Variants in SPOP observed in about 807,000 individuals in gnomAD.
SPOP encodes speckle type BTB/POZ protein.
In SPOP, 11 loss-of-function variants were observed where a neutral mutation model predicts 45.6. The ratio of observed to expected loss-of-function variants is 0.24; its 90% CI spans 0.15 to 0.40. SPOP has a LOEUF of 0.40. Ranked by LOEUF, SPOP falls within the 10% of genes least tolerant of loss-of-function variation. The pLI, the probability that SPOP is intolerant of heterozygous loss-of-function variation, is 1.00. For missense variants in SPOP, 152 were observed against 465.6 expected (o/e 0.33, Z 6.20); for synonymous variants, 166 against 166.3 (o/e 1.00, Z 0.01).
intron 1 of SPOP, among the ~76,000 whole-genome samples, chr17:49,662,452 C>T (rs1419806011): frequency 6.6e-6 from 1 of 152,116 alleles, no homozygotes; most frequent in Non-Finnish European, 1.5e-5. Flanking sequence ...GAGGCCCAGG[C>T]GGGCAGATCA....
intron 1 of SPOP, among the ~76,000 whole-genome samples, chr17:49,624,709 A>G (rs2143318427): frequency 1.3e-5 from 2 of 152,124 alleles, no homozygotes; most frequent in South Asian, 4.2e-4. Flanking sequence ...CCTGGACTCA[A>G]GCAGTATGCC....
intron 1 of SPOP, among the ~76,000 whole-genome samples, chr17:49,630,515 C>G (rs932276801): frequency 6.6e-6 from 1 of 152,182 alleles, no homozygotes; most frequent in African/African-American, 2.4e-5. Flanking sequence ...AGACCTCAAT[C>G]AGCAAAGGAA....
At chr17:49,613,249 C>G (rs1445726577) in intron 5 of SPOP, among the ~76,000 whole-genome samples, 1 of 147,038 alleles carries the variant, frequency 6.8e-6, no homozygotes, top group Admixed American at 6.9e-5. Context: ...TGCCTGTTCT[C>G]AGTTATAGCT....
chr17:49,618,975 A>C lies in SPOP; in HGVS notation c.480+6T>G, dbSNP rs1385543615. ...CTGCTAGTCTCAGCAGAATACAAGGACTCACCTCGCAGAAGAGGGTAAGCT... is the reference window on the plus strand; with the variant it reads ...CTGCTAGTCTCAGCAGAATACAAGGCCTCACCTCGCAGAAGAGGGTAAGCT... On this transcript the variant is annotated splice_donor_region_variant and intron_variant, in intron 5 of 9. Transcript: ENST00000504102. 6.2e-7 allele frequency: 1 copy of C among 1,611,976 alleles called. No homozygotes were observed. The highest frequency in any genetic ancestry group is 1.7e-5 in the Admixed American group (1 of 59,618).
intron 1 of SPOP, among the ~76,000 whole-genome samples, chr17:49,677,590 G>C (rs565506507): frequency 2.6e-5 from 4 of 152,210 alleles, no homozygotes; most frequent in African/African-American, 7.2e-5. Context: ...CAGCGAAGAA[G>C]CAGCCCGAGC....
chr17:49,657,752 G>A (rs1049069147), intron 1 of SPOP, among the ~76,000 whole-genome samples: 2 of 134,728 alleles, frequency 1.5e-5, no homozygotes, highest in Non-Finnish European at 3.1e-5. Context: ...CCAGGCTAGA[G>A]TGCAGTGGCG....
intron 1 of SPOP, among the ~76,000 whole-genome samples, chr17:49,663,677 C>CT (rs1162830546): frequency 6.6e-6 from 1 of 152,204 alleles, no homozygotes; most frequent in Non-Finnish European, 1.5e-5. Context: ...ACTTGTGACT[C>CT]TGAGTTGTGA....
chr17:49,674,716 A>C (rs538650794), intron 1 of SPOP, among the ~76,000 whole-genome samples: 1 of 152,352 alleles, frequency 6.6e-6, no homozygotes, highest in Non-Finnish European at 1.5e-5. Context: ...GAGATCATAA[A>C]TCATTTACAG....
Position 49,665,649 on chromosome 17 carries a change from G to GACACACACACACACACACACACAC in SPOP, c.-67+12260_-67+12283dup, listed in dbSNP as rs71352530. On this transcript the variant is annotated intron_variant, in intron 1 of 9. Coordinates refer to ENST00000504102, the MANE Select transcript of SPOP (RefSeq NM_001007228.2). ...CAAAAAAAGATTATATATATATACA[G>GACACACACACACACACACACACAC]ACACACACACACACACACACACACA... Among the ~76,000 whole-genome samples, 92 of 126,786 alleles carry GACACACACACACACACACACACAC rather than the reference G, an allele frequency of 7.3e-4. 2 individuals carry two copies. Among genetic ancestry groups the GACACACACACACACACACACACAC allele is most frequent in the Middle Eastern group, 4.3e-3 (1 of 234 alleles). The allele number at this position is 126,786 out of a possible 152,430, so 83.2% of individuals were successfully genotyped here. A position where few individuals can be genotyped will look rare whatever the true frequency, so the allele number is the denominator to read the frequency against.
chr17:49,672,647 T>C (rs2073150410), intron 1 of SPOP, among the ~76,000 whole-genome samples: 1 of 152,140 alleles, frequency 6.6e-6, no homozygotes, highest in African/African-American at 2.4e-5. Flanking sequence ...TCGGGCTCTT[T>C]AAAAACCAGT....
chr17:49,665,915 C>T (rs1265218051), intron 1 of SPOP, among the ~76,000 whole-genome samples: 5 of 147,586 alleles, frequency 3.4e-5, no homozygotes, highest in African/African-American at 7.5e-5. Flanking sequence ...ACCCAGGAGG[C>T]GGAGGTTGCA....
intron 1 of SPOP, among the ~76,000 whole-genome samples, chr17:49,657,095 G>GA (rs1455452225): frequency 6.6e-6 from 1 of 151,876 alleles, no homozygotes; most frequent in Non-Finnish European, 1.5e-5. Flanking sequence ...TGAGGCAGGA[G>GA]AATGTGGTGA....
intron 1 of SPOP, among the ~76,000 whole-genome samples, chr17:49,673,469 G>A (rs1292256166): frequency 6.6e-6 from 1 of 152,028 alleles, no homozygotes; most frequent in Non-Finnish European, 1.5e-5. Context: ...TCGCGCCACT[G>A]CACTCCAGCC....
intron 1 of SPOP, among the ~76,000 whole-genome samples, chr17:49,650,607 A>G (rs1031752195): frequency 9.9e-5 from 15 of 152,168 alleles, no homozygotes; most frequent in Non-Finnish European, 2.1e-4. Flanking sequence ...TAATAAATAA[A>G]TAAGTAGAAA....
Position 49,617,136 on chromosome 17 carries a change from C to A in SPOP, c.480+1845G>T, listed in dbSNP as rs540135658. Among the ~76,000 whole-genome samples the A allele has an allele frequency of 4.6e-5, 7 of 152,276 alleles. No homozygotes were observed. The East Asian group carries it at 9.6e-4, about 21-fold the overall frequency. On this transcript the variant is annotated intron_variant, in intron 5 of 9. Coordinates refer to ENST00000504102, the MANE Select transcript of SPOP (RefSeq NM_001007228.2). ...GAGAAAAGGCTGGACCCACTGTGGA[C>A]TCAAAAAAGCTGCAGTAAAGGTTAT...
At chr17:49,675,029 A>T (rs2073181740) in intron 1 of SPOP, among the ~76,000 whole-genome samples, 2 of 152,220 alleles carry the variant, frequency 1.3e-5, no homozygotes, top group Non-Finnish European at 2.9e-5. Flanking sequence ...TGTTGGTGAG[A>T]AAACAGGCAG....
At chr17:49,616,010 T>G (rs1432879179) in intron 5 of SPOP, among the ~76,000 whole-genome samples, 1 of 152,156 alleles carries the variant, frequency 6.6e-6, no homozygotes. Context: ...AATAACAACT[T>G]GGAAGAACTG....
chr17:49,645,107 G>T (rs183408027), intron 1 of SPOP, among the ~76,000 whole-genome samples: 27 of 152,210 alleles, frequency 1.8e-4, no homozygotes, highest in Admixed American at 1.2e-3. Context: ...ATTTTAAATA[G>T]ATACTAATGC....
At position 49,653,413 on chromosome 17, in the gene SPOP, T is replaced by C. The variant is rs2072867988; in HGVS notation, c.-67+24520A>G. ...AACACAACAGGCATCTACCAGCATA[T>C]ATATATATAAAATACAAATAATATT... On this transcript the variant is annotated intron_variant, in intron 1 of 9. Transcript: ENST00000504102. 2.0e-5 allele frequency among the ~76,000 whole-genome samples: 3 copies of C among 151,932 alleles called. No individual in the cohort carries two copies. The South Asian group carries it at 6.2e-4, about 32-fold the overall frequency.
Sources: gnomAD v4.1 joint callset for allele counts (sites outside exome capture counted in the v4.1 genomes callset) on GRCh38, gnomAD v4.1.1 for gene constraint, MANE v1.5 for transcripts, NCBI Gene and HGNC (gene_info 2026-07-23, HGNC 2026-07-21) for gene names.